Variants in CNBD2 observed in about 807,000 individuals in gnomAD.
The protein encoded by CNBD2 is cyclic nucleotide-binding domain-containing protein 2.
A neutral mutation model predicts 63.7 loss-of-function variants in CNBD2; 64 were observed. That is an observed-to-expected ratio of 1.00 (90% CI 0.82 to 1.24). The LOEUF is 1.24. CNBD2 is among the 50% of genes most tolerant of loss of function. The probability of loss-of-function intolerance (pLI) is 0.00; values close to 1 mark genes in which losing one functional copy is unlikely to be tolerated. For missense variants in CNBD2, 691 were observed against 713.5 expected (o/e 0.97, Z 0.36); for synonymous variants, 229 against 255.4 (o/e 0.90, Z 0.99).
rs1416558085 is a variant in CNBD2, at chr20:36,003,180, T to G, written c.971-5117T>G. On this transcript the variant is annotated intron_variant, in intron 8 of 11. Coordinates refer to ENST00000373973, the MANE Select transcript of CNBD2 (RefSeq NM_001365709.1). ...ACAACTCTACTTAATATACACAATA[T>G]TTTTTCCTTGGAATATAATTATAAT... Among the ~76,000 whole-genome samples the G allele has an allele frequency of 3.3e-5, 5 of 152,166 alleles. No homozygotes were observed. The East Asian group carries it at 9.6e-4, about 29-fold the overall frequency.
chr20:35,965,342 T>G (rs1341711661), upstream of CNBD2, among the ~76,000 whole-genome samples: 1 of 152,024 alleles, frequency 6.6e-6, no homozygotes, highest in African/African-American at 2.4e-5. Context: ...CACACTGGGC[T>G]AGTTTTTGTA....
chr20:35,961,341 T>C (rs2056307969), intron 2 of CNBD2, among the ~76,000 whole-genome samples: 1 of 152,228 alleles, frequency 6.6e-6, no homozygotes, highest in Non-Finnish European at 1.5e-5. Context: ...GGAATGACCT[T>C]CTCTTCTGAG....
At chr20:35,979,072 C>T (rs2056561773) in intron 3 of CNBD2, among the ~76,000 whole-genome samples, 1 of 152,140 alleles carries the variant, frequency 6.6e-6, no homozygotes, top group Non-Finnish European at 1.5e-5. Flanking sequence ...TTTCTTGATC[C>T]TTCATGTCCT....
intron 7 of CNBD2, among the ~76,000 whole-genome samples, chr20:35,990,466 A>G (rs1182119180): frequency 2.0e-5 from 3 of 152,022 alleles, no homozygotes; most frequent in African/African-American, 7.3e-5. Flanking sequence ...CCTCATGTCT[A>G]CTAAAAATAT....
intron 2 of CNBD2, chr20:35,974,048 G>C (rs1298876828): frequency 6.5e-6 from 1 of 153,164 alleles, no homozygotes; most frequent in African/African-American, 2.4e-5. Flanking sequence ...GCTGGTGATG[G>C]GGGAAGGAAA....
At chr20:36,028,145 A>C (rs1171081257) in intron 11 of CNBD2, among the ~76,000 whole-genome samples, 1 of 152,124 alleles carries the variant, frequency 6.6e-6, no homozygotes, top group Non-Finnish European at 1.5e-5. Context: ...CCTGCCACTC[A>C]AAAAAGGGTT....
At chr20:36,002,882 ATATTGGATTGCTTACAATCCAATATAT>A (rs1218817157) in intron 8 of CNBD2, among the ~76,000 whole-genome samples, 4 of 152,020 alleles carry the variant, frequency 2.6e-5, no homozygotes, top group South Asian at 2.1e-4. Flanking sequence ...AATTACATGT[ATATTGGATTGCTTACAATCCAATATAT>A]TATTGGATTG....
intron 8 of CNBD2, among the ~76,000 whole-genome samples, chr20:35,996,369 C>A (rs758347064): frequency 1.3e-5 from 2 of 148,550 alleles, no homozygotes; most frequent in Non-Finnish European, 3.0e-5. Flanking sequence ...TGAATGTATG[C>A]GCACTCTCCA....
At chr20:36,025,645 A>ATT (rs11167285) in intron 11 of CNBD2, among the ~76,000 whole-genome samples, 32 of 150,462 alleles carry the variant, frequency 2.1e-4, no homozygotes, top group South Asian at 6.3e-4. Flanking sequence ...AGATTAGATA[A>ATT]TTTTTTTTTT....
chr20:35,980,508 G>A lies in CNBD2; in HGVS notation c.293G>A (p.Trp98Ter). Reference sequence around the variant, plus strand: ...CAGATCATGCAGAAGAAGCCTTCCTGGAGAACAGAGGATGAGATCCAGGCC... The same window carrying A: ...CAGATCATGCAGAAGAAGCCTTCCTAGAGAACAGAGGATGAGATCCAGGCC... Reference protein sequence around the residue: ...AIQIMQKKPSWRTEDEIQAVC... With the variant: ...AIQIMQKKPS The change falls in exon 4 of 12, where the codon TGG (tryptophan) becomes TAG (stop). Residue 98 changes from tryptophan to a stop codon, truncating the protein, a stop_gained. Transcript: ENST00000373973. LOFTEE classifies it high-confidence loss of function. 1 of 1,614,180 alleles carries A rather than the reference G, an allele frequency of 6.2e-7. No individual in the cohort carries two copies. Among genetic ancestry groups the A allele is most frequent in the Non-Finnish European group, 8.5e-7 (1 of 1,180,024 alleles).
intron 2 of CNBD2, among the ~76,000 whole-genome samples, chr20:35,961,408 C>G (rs1364306645): frequency 6.6e-6 from 1 of 152,214 alleles, no homozygotes; most frequent in East Asian, 1.9e-4. Flanking sequence ...TCTCCTCTGG[C>G]TGTCTCAGTG....
At chr20:35,970,961 T>A (rs1170271262) in intron 1 of CNBD2, among the ~76,000 whole-genome samples, 2 of 150,948 alleles carry the variant, frequency 1.3e-5, no homozygotes, top group African/African-American at 4.9e-5. Context: ...TTTTTTTTTT[T>A]TTTTGAGACG....
chr20:35,964,084 C>T (rs2056327118), upstream of CNBD2, among the ~76,000 whole-genome samples: 1 of 152,222 alleles, frequency 6.6e-6, no homozygotes, highest in Non-Finnish European at 1.5e-5. Context: ...CTCTGCCAGC[C>T]CAGCCTCCTT....
chr20:35,987,464 G>C lies in CNBD2; in HGVS notation c.786G>C (p.Glu262Asp), dbSNP rs1440000861. ...AGCTGGTAGCCATGGCGAAGATAGA[G>C]AGGTTCTCGTATGGGCAGCTGATCT... is the stretch of plus-strand genomic sequence containing the variant. ...LWQLVAMAKI[E>D]RFSYGQLISK... Residue 262 changes from glutamate (E) to aspartate (D), a missense_variant, in exon 7 of 12, where the codon GAG becomes GAC. Glu to Asp is a conservative substitution (Grantham distance 45). Transcript: ENST00000373973. The C allele has an allele frequency of 6.2e-7, 1 of 1,614,196 alleles. No homozygotes were observed. Among genetic ancestry groups the C allele is most frequent in the South Asian group, 1.1e-5 (1 of 91,056 alleles).
At chr20:36,015,454 C>T (rs955980432) in intron 10 of CNBD2, among the ~76,000 whole-genome samples, 2 of 152,072 alleles carry the variant, frequency 1.3e-5, no homozygotes, top group Admixed American at 6.6e-5. Context: ...AGGCCAATGT[C>T]AAGAAACCAG....
chr20:35,985,502 T>TG (rs2056655700), intron 6 of CNBD2, among the ~76,000 whole-genome samples: 1 of 149,376 alleles, frequency 6.7e-6, no homozygotes, highest in African/African-American at 2.4e-5. Context: ...TTTTTTTTTT[T>TG]TGAGAGAGGG....
At position 36,008,372 on chromosome 20, in the gene CNBD2, T is replaced by C; in HGVS notation, c.1046T>C (p.Leu349Pro). ...CTGCAAGACTTTAGCTCCTTGAAAC[T>C]TCCACATCTCAAAAAAGCCTGGGGG... ...YPLQDFSSLK[L>P]PHLKKAWGLQ... The change falls in exon 9 of 12, where the codon CTT becomes CCT. Residue 349 changes from leucine (L) to proline (P), a missense_variant. Physicochemically the swap from Leu to Pro is moderately conservative, Grantham distance 98. Coordinates refer to ENST00000373973, the MANE Select transcript of CNBD2 (RefSeq NM_001365709.1). 6.2e-7 allele frequency: 1 copy of C among 1,614,090 alleles called. No individual in the cohort carries two copies. The highest frequency in any genetic ancestry group is 1.1e-5 in the South Asian group (1 of 91,086).
At chr20:35,986,917 C>A (rs2056674977) in intron 6 of CNBD2, among the ~76,000 whole-genome samples, 3 of 152,170 alleles carry the variant, frequency 2.0e-5, no homozygotes, top group African/African-American at 7.2e-5. Flanking sequence ...ACTCTCCAGA[C>A]CCAGAGCTGA....
At chr20:35,980,851 T>C (rs778816729) in intron 4 of CNBD2, among the ~76,000 whole-genome samples, 9 of 152,216 alleles carry the variant, frequency 5.9e-5, no homozygotes, top group Non-Finnish European at 1.2e-4. Context: ...GAGGATCTAG[T>C]AGAAACCTCA....
Sources: allele counts gnomAD v4.1 joint callset (sites outside exome capture counted in the v4.1 genomes callset), GRCh38; gene constraint gnomAD v4.1.1; transcripts MANE v1.5; gene names NCBI Gene and HGNC (gene_info 2026-07-23, HGNC 2026-07-21).